Variants in DGKG observed in about 807,000 individuals in gnomAD.
DGKG encodes the protein diacylglycerol kinase gamma, also known as DAG kinase gamma.
DGKG carries 78 observed loss-of-function variants against 105.3 expected under a neutral mutation model. That is an observed-to-expected ratio of 0.74 (90% CI 0.62 to 0.89). The LOEUF is 0.89. Ranked by LOEUF, DGKG falls within the 40% of genes least tolerant of loss-of-function variation. The pLI, the probability that DGKG is intolerant of heterozygous loss-of-function variation, is 0.00. For missense variants in DGKG, 958 were observed against 1,020.1 expected (o/e 0.94, Z 0.83); for synonymous variants, 346 against 367.1 (o/e 0.94, Z 0.66).
In DGKG at chr3:186,275,677, T is replaced by C. The variant is rs200041486; in HGVS notation, c.793-13A>G. The C allele has an allele frequency of 9.3e-6, 15 of 1,605,318 alleles. No homozygotes were observed. Among genetic ancestry groups the C allele is most frequent in the East Asian group, 2.2e-5 (1 of 44,656 alleles). Reference sequence around the variant, plus strand: ...CCCCCTTGGAGCCCTGCAGGGGTAATAGGAGGTGAGACCCCAAGCTGGCTG... The same window carrying C: ...CCCCCTTGGAGCCCTGCAGGGGTAACAGGAGGTGAGACCCCAAGCTGGCTG... On this transcript the variant is annotated splice_polypyrimidine_tract_variant and intron_variant, in intron 9 of 24. Transcript: ENST00000265022.
chr3:186,180,331 G>C lies in DGKG; in HGVS notation c.2095+7871C>G, dbSNP rs186693280. ...TTGAAGGACTAAATGACAAAGCTGT[G>C]ATTTCCTGTGAAAAGCAAAACAGCG... On this transcript the variant is annotated intron_variant, in intron 22 of 24. Transcript: ENST00000265022. Among the ~76,000 whole-genome samples, 540 of 152,238 alleles carry C rather than the reference G, an allele frequency of 3.5e-3. 3 individuals carry two copies. Among genetic ancestry groups the C allele is most frequent in the Non-Finnish European group, 5.2e-3 (353 of 68,016 alleles).
intron 19 of DGKG, among the ~76,000 whole-genome samples, chr3:186,249,961 C>T (rs1362820201): frequency 6.6e-6 from 1 of 152,088 alleles, no homozygotes; most frequent in African/African-American, 2.4e-5. Context: ...AGAAACACAG[C>T]TGAGGATGGT....
chr3:186,332,698 A>C (rs1428422505), intron 1 of DGKG, among the ~76,000 whole-genome samples: 1 of 152,214 alleles, frequency 6.6e-6, no homozygotes, highest in Non-Finnish European at 1.5e-5. Context: ...CAAGGTTATT[A>C]TGAGATTATT....
chr3:186,279,639 A>G (rs2108594257), intron 9 of DGKG: 1 of 460,212 alleles, frequency 2.2e-6, no homozygotes, highest in East Asian at 4.0e-5. Context: ...CAGTATTTTT[A>G]AAGTAGTAAT....
chr3:186,266,156 G>A (rs1251201984), intron 13 of DGKG, among the ~76,000 whole-genome samples: 1 of 152,124 alleles, frequency 6.6e-6, no homozygotes, highest in East Asian at 1.9e-4. Context: ...ACCTCTTCAA[G>A]CATAACCCTG....
intron 11 of DGKG, among the ~76,000 whole-genome samples, chr3:186,271,473 C>T (rs1722313820): frequency 6.6e-6 from 1 of 152,074 alleles, no homozygotes; most frequent in Non-Finnish European, 1.5e-5. Context: ...GATCCCACCC[C>T]AGTCGGGCCC....
intron 20 of DGKG, among the ~76,000 whole-genome samples, chr3:186,212,388 C>T (rs1406405573): frequency 6.6e-6 from 1 of 152,128 alleles, no homozygotes; most frequent in Non-Finnish European, 1.5e-5. Flanking sequence ...GCTGCATTGC[C>T]CAGGCTCTGA....
chr3:186,210,596 G>A lies in DGKG; in HGVS notation c.1917+1199C>T, dbSNP rs369742353. The stretch of plus-strand genomic sequence containing the variant: ...GCAGCCGCACAGAACCTCTGGCTTC[G>A]TGTTTTGTTTGTGAAAACTCCCTGT... On this transcript the variant is annotated intron_variant, in intron 21 of 24. Coordinates refer to ENST00000265022, the MANE Select transcript of DGKG (RefSeq NM_001346.3). The surrounding 1 kb of genome is among the most constrained non-coding windows in gnomAD (Gnocchi z 5.2). The A allele has an allele frequency of 1.9e-4, 86 of 454,222 alleles. No individual in the cohort carries two copies. The highest frequency in any genetic ancestry group is 1.6e-3 in the African/African-American group (79 of 50,116). The allele number at this position is 454,222 out of a possible 1,614,324, so 28.1% of individuals were successfully genotyped here. A position where few individuals can be genotyped will look rare whatever the true frequency, so the allele number is the denominator to read the frequency against.
chr3:186,194,885 C>A (rs1273310308), intron 21 of DGKG, among the ~76,000 whole-genome samples: 1 of 149,678 alleles, frequency 6.7e-6, no homozygotes, highest in Non-Finnish European at 1.5e-5. Flanking sequence ...AGTTGGATTA[C>A]CTGAGGTCAG....
At chr3:186,341,586 A>G (rs1439207464) in intron 1 of DGKG, among the ~76,000 whole-genome samples, 1 of 152,246 alleles carries the variant, frequency 6.6e-6, no homozygotes, top group East Asian at 1.9e-4. Flanking sequence ...GTACCTGGTG[A>G]CACGTACACA....
At chr3:186,355,510 A>G (rs1006258697) in intron 1 of DGKG, among the ~76,000 whole-genome samples, 2 of 148,874 alleles carry the variant, frequency 1.3e-5, no homozygotes, top group African/African-American at 5.1e-5. Flanking sequence ...CACCACCACC[A>G]TCACCTCCAC....
In DGKG at chr3:186,210,642, C is replaced by T. The variant is rs973821490; in HGVS notation, c.1917+1153G>A. On this transcript the variant is annotated intron_variant, in intron 21 of 24. Coordinates refer to ENST00000265022, the MANE Select transcript of DGKG (RefSeq NM_001346.3). This position sits in a 1 kb window ranked among gnomAD's most constrained non-coding sequence, Gnocchi z 5.2. Reference sequence around the variant, plus strand: ...CCTGTGAGTGAGGAGCACAGGGGCCCTTCCGGCAGGGAGGGGCAGGGCTTT... The same window carrying T: ...CCTGTGAGTGAGGAGCACAGGGGCCTTTCCGGCAGGGAGGGGCAGGGCTTT... The T allele has an allele frequency of 8.8e-6, 4 of 454,004 alleles. No individual in the cohort carries two copies. The highest frequency in any genetic ancestry group is 4.0e-5 in the African/African-American group (2 of 49,990). The allele number at this position is 454,004 out of a possible 1,614,324, so 28.1% of individuals were successfully genotyped here.
intron 13 of DGKG, 53 bp downstream of exon 13, chr3:186,267,632 C>A: frequency 6.9e-7 from 1 of 1,454,220 alleles, no homozygotes; most frequent in South Asian, 1.1e-5. Flanking sequence ...CTGCCTACAT[C>A]TGAAACCAGA....
chr3:186,287,796 A>G (rs3819864), intron 6 of DGKG, among the ~76,000 whole-genome samples: 78,602 of 151,664 alleles, frequency 0.52, 21,168 homozygotes, highest in Non-Finnish European at 0.57. Flanking sequence ...GTTTTTGGCA[A>G]GAATTAGCCT....
Position 186,362,163 on chromosome 3 carries a change from G to C in DGKG, c.-466C>G, listed in dbSNP as rs1578885014. The stretch of plus-strand genomic sequence containing the variant: ...CCAGGCTGTGGTTGGTAGCGCCGGG[G>C]TCTTCACCCTGTGCTCGGAGTTCAG... On this transcript the variant is annotated 5_prime_UTR_variant, in exon 1 of 25. Coordinates refer to ENST00000265022, the MANE Select transcript of DGKG (RefSeq NM_001346.3). The C allele has an allele frequency of 6.6e-6, 1 of 152,316 alleles. No individual in the cohort carries two copies. Among genetic ancestry groups the C allele is most frequent in the Admixed American group, 6.5e-5 (1 of 15,284 alleles). The allele number at this position is 152,316 out of a possible 1,614,324, so 9.4% of individuals were successfully genotyped here. A position where few individuals can be genotyped will look rare whatever the true frequency, so the allele number is the denominator to read the frequency against.
intron 22 of DGKG, among the ~76,000 whole-genome samples, chr3:186,179,047 A>C (rs7650955): frequency 0.011 from 1,708 of 152,286 alleles, 39 homozygotes; most frequent in African/African-American, 0.039. Context: ...ATCTTGTTGA[A>C]ATACAGACTC....
chr3:186,353,978 C>T lies in DGKG; in HGVS notation c.-249+7968G>A. Among the ~76,000 whole-genome samples the T allele has an allele frequency of 1.3e-5, 2 of 152,124 alleles. 1 individual carries two copies. The highest frequency in any genetic ancestry group is 4.1e-4 in the South Asian group (2 of 4,820). On this transcript the variant is annotated intron_variant, in intron 1 of 24. Coordinates refer to ENST00000265022, the MANE Select transcript of DGKG (RefSeq NM_001346.3). ...TAGTTGAGAAAGATCACTTTGTGAT[C>T]ATCCAGGCCTGCTGGACATGCCGGC... is the stretch of plus-strand genomic sequence containing the variant.
chr3:186,345,792 C>A (rs1726299727), intron 1 of DGKG, among the ~76,000 whole-genome samples: 1 of 152,104 alleles, frequency 6.6e-6, no homozygotes, highest in Non-Finnish European at 1.5e-5. Flanking sequence ...GTTTTTGAGA[C>A]CGAGTCTCGC....
chr3:186,152,372 A>G (rs1715802987), intron 24 of DGKG, among the ~76,000 whole-genome samples: 1 of 152,200 alleles, frequency 6.6e-6, no homozygotes. Flanking sequence ...AGACTCGGAC[A>G]GCACTTATCT....
Sources: allele counts gnomAD v4.1 joint callset (sites outside exome capture counted in the v4.1 genomes callset), GRCh38; gene constraint gnomAD v4.1.1; non-coding constraint Gnocchi (gnomAD v3.1); transcripts MANE v1.5; gene names NCBI Gene and HGNC (gene_info 2026-07-23, HGNC 2026-07-21).